The following PLCL1 variants were observed in gnomAD, a reference collection of about 807,000 sequenced individuals.
The protein encoded by PLCL1 is phospholipase C like 1 (inactive), also known as inactive phospholipase C-like protein 1.
Under a neutral mutation model 84.4 loss-of-function variants are expected in PLCL1, and 41 were observed. The ratio of observed to expected loss-of-function variants is 0.49; its 90% confidence interval spans 0.38 to 0.63. The LOEUF is 0.63. Ranked by LOEUF, PLCL1 falls within the 30% of genes least tolerant of loss-of-function variation. The pLI, the probability that PLCL1 is intolerant of heterozygous loss-of-function variation, is 0.00. For synonymous variants in PLCL1, 490 were observed against 488.3 expected (o/e 1.00, Z -0.05); for missense variants, 1,206 against 1,367.8 (o/e 0.88, Z 1.87).
intron 1 of PLCL1, among the ~76,000 whole-genome samples, chr2:198,071,549 A>G (rs1692464279): frequency 6.7e-6 from 1 of 150,098 alleles, no homozygotes; most frequent in African/African-American, 2.5e-5. Context: ...CTTTGTAAAC[A>G]TATATATATA....
At chr2:198,091,943 C>G (rs532281211) in intron 3 of PLCL1, among the ~76,000 whole-genome samples, 34 of 147,068 alleles carry the variant, frequency 2.3e-4, no homozygotes, top group African/African-American at 8.3e-4. Flanking sequence ...TCATCCGCCT[C>G]TCACAACCTC....
At chr2:197,902,165 A>T (rs1176651668) in intron 1 of PLCL1, among the ~76,000 whole-genome samples, 2 of 152,096 alleles carry the variant, frequency 1.3e-5, no homozygotes, top group Non-Finnish European at 1.5e-5. Flanking sequence ...GAGCAGCCCC[A>T]TTTTCTGCAT....
intron 1 of PLCL1, among the ~76,000 whole-genome samples, chr2:197,954,208 C>G (rs1423038515): frequency 1.3e-5 from 2 of 152,100 alleles, no homozygotes; most frequent in African/African-American, 2.4e-5. Flanking sequence ...TCCTCTTTTT[C>G]TCTTGGCCTT....
chr2:197,806,110 GGAGCAT>G (rs1277996042), intron 1 of PLCL1, among the ~76,000 whole-genome samples: 1 of 152,138 alleles, frequency 6.6e-6, no homozygotes, highest in African/African-American at 2.4e-5. Flanking sequence ...TCCTCTTTTG[GGAGCAT>G]GACTTTGGGG....
At chr2:198,070,002 C>G (rs10202569) in intron 1 of PLCL1, among the ~76,000 whole-genome samples, 110,496 of 151,996 alleles carry the variant, frequency 0.73, 41,021 homozygotes, top group African/African-American at 0.87. Context: ...GAGTGTGTTG[C>G]GGGGCGGAAT....
At chr2:198,052,563 A>G (rs1322442944) in intron 1 of PLCL1, among the ~76,000 whole-genome samples, 1 of 152,156 alleles carries the variant, frequency 6.6e-6, no homozygotes, top group Non-Finnish European at 1.5e-5. Flanking sequence ...TAATTGACAT[A>G]AATTTTGGAA....
intron 1 of PLCL1, among the ~76,000 whole-genome samples, chr2:197,952,330 A>G (rs530209158): frequency 3.9e-5 from 6 of 152,096 alleles, no homozygotes; most frequent in Admixed American, 3.3e-4. Flanking sequence ...TTAGTTCAAG[A>G]ATGTGATAAC....
At chr2:198,018,958 C>T (rs7585709) in intron 1 of PLCL1, among the ~76,000 whole-genome samples, 30,243 of 152,082 alleles carry the variant, frequency 0.2, 3,087 homozygotes, top group East Asian at 0.26. Flanking sequence ...CAGCAGGGGT[C>T]GAGAGACACC....
chr2:197,813,049 A>G (rs1187389118), intron 1 of PLCL1, among the ~76,000 whole-genome samples: 1 of 152,174 alleles, frequency 6.6e-6, no homozygotes, highest in Non-Finnish European at 1.5e-5. Context: ...CACACGCATT[A>G]GGGCTAGACA....
chr2:197,888,689 G>A (rs1347915201), intron 1 of PLCL1, among the ~76,000 whole-genome samples: 1 of 152,106 alleles, frequency 6.6e-6, no homozygotes, highest in African/African-American at 2.4e-5. Context: ...TTGCATATTG[G>A]AATACAATAC....
At chr2:198,025,883 A>G (rs924630935) in intron 1 of PLCL1, among the ~76,000 whole-genome samples, 7 of 152,156 alleles carry the variant, frequency 4.6e-5, no homozygotes, top group Admixed American at 3.9e-4. Context: ...TTTTTAAAAT[A>G]GTGATTCATA....
intron 5 of PLCL1, among the ~76,000 whole-genome samples, chr2:198,138,738 G>A (rs568562400): frequency 1.3e-5 from 2 of 152,220 alleles, no homozygotes; most frequent in East Asian, 3.9e-4. Context: ...GTCAGATAAT[G>A]GTTTTAACCT....
At chr2:197,826,672 T>C (rs1260185548) in intron 1 of PLCL1, among the ~76,000 whole-genome samples, 1 of 152,154 alleles carries the variant, frequency 6.6e-6, no homozygotes, top group Non-Finnish European at 1.5e-5. Flanking sequence ...AAGACTATAT[T>C]TGCAATATAG....
At chr2:197,965,925 A>C (rs1689722779) in intron 1 of PLCL1, among the ~76,000 whole-genome samples, 1 of 152,006 alleles carries the variant, frequency 6.6e-6, no homozygotes, top group African/African-American at 2.4e-5. Context: ...CCCAAGGCCC[A>C]CAGCATGTAC....
chr2:198,075,560 G>A (rs536463155), intron 1 of PLCL1, among the ~76,000 whole-genome samples: 1 of 152,188 alleles, frequency 6.6e-6, no homozygotes, highest in Non-Finnish European at 1.5e-5. Flanking sequence ...GGATACAAGA[G>A]GAGAATGACA....
intron 5 of PLCL1, among the ~76,000 whole-genome samples, chr2:198,133,789 T>C (rs1694186734): frequency 1.3e-5 from 2 of 152,158 alleles, no homozygotes; most frequent in South Asian, 4.1e-4. Context: ...TTCACGTAAC[T>C]GAGTTGCTAT....
At chr2:198,092,451 C>T (rs959792486) in intron 3 of PLCL1, among the ~76,000 whole-genome samples, 4 of 152,174 alleles carry the variant, frequency 2.6e-5, no homozygotes, top group African/African-American at 9.7e-5. Context: ...GCATATCCAT[C>T]ACCTCAAACA....
intron 1 of PLCL1, among the ~76,000 whole-genome samples, chr2:198,017,393 T>C (rs1025639187): frequency 6.6e-6 from 1 of 152,236 alleles, no homozygotes; most frequent in African/African-American, 2.4e-5. Context: ...ACAGTGCCTT[T>C]GTCCAGTTAA....
chr2:197,875,027 T>C (rs1687710074), intron 1 of PLCL1, among the ~76,000 whole-genome samples: 1 of 152,162 alleles, frequency 6.6e-6, no homozygotes, highest in Non-Finnish European at 1.5e-5. Context: ...GGTTCATGAC[T>C]GTAATCCCAG....
Sources: allele counts gnomAD v4.1 joint callset (sites outside exome capture counted in the v4.1 genomes callset), GRCh38; gene constraint gnomAD v4.1.1; transcripts MANE v1.5; gene names NCBI Gene and HGNC (gene_info 2026-07-23, HGNC 2026-07-21).